FBN2: variants seen among roughly 807,000 people sequenced by gnomAD.
FBN2 encodes the protein fibrillin 2.
Under a neutral mutation model 355.6 loss-of-function variants are expected in FBN2, and 105 were observed. The observed-to-expected ratio is 0.30, with a 90% CI of 0.25 to 0.35. The LOEUF (loss-of-function observed/expected upper bound fraction) is 0.35, where lower values mean the gene tolerates loss of function less well. FBN2 is among the 10% of genes least tolerant of loss of function. FBN2 has a pLI of 1.00. For missense variants in FBN2, 3,280 were observed against 3,758.7 expected (o/e 0.87, Z 3.33); for synonymous variants, 1,350 against 1,301.2 (o/e 1.04, Z -0.81).
At chr5:128,352,846 T>C (rs1033400797) in intron 20 of FBN2, among the ~76,000 whole-genome samples, 2 of 152,218 alleles carry the variant, frequency 1.3e-5, no homozygotes, top group African/African-American at 4.8e-5. Flanking sequence ...ATAGTATTTA[T>C]TTGAAAATTC....
chr5:128,407,003 C>G (rs181431355), intron 8 of FBN2, among the ~76,000 whole-genome samples: 28 of 152,270 alleles, frequency 1.8e-4, no homozygotes, highest in Non-Finnish European at 4.4e-5. Flanking sequence ...ATCTGTAAAA[C>G]ACAAACAATT....
At chr5:128,358,793 T>C (rs1247860466) in intron 19 of FBN2, among the ~76,000 whole-genome samples, 3 of 152,078 alleles carry the variant, frequency 2.0e-5, no homozygotes, top group Non-Finnish European at 4.4e-5. Context: ...CCTATTAATT[T>C]CATTTGTAAG....
At chr5:128,456,023 A>AAAAAAAACAAAAAAAAAAAAAAAAAAGC (rs1554070903) in intron 6 of FBN2, among the ~76,000 whole-genome samples, 1 of 145,782 alleles carries the variant, frequency 6.9e-6, no homozygotes, top group Non-Finnish European at 1.5e-5. Context: ...AAAAAAAAAA[A>AAAAAAAACAAAAAAAAAAAAAAAAAAGC]GCAACTGCTG....
At chr5:128,455,304 G>A (rs765223849) in intron 6 of FBN2, among the ~76,000 whole-genome samples, 4 of 152,168 alleles carry the variant, frequency 2.6e-5, no homozygotes, top group Non-Finnish European at 5.9e-5. Flanking sequence ...AGTCCTATAT[G>A]AGTTAACTTT....
intron 8 of FBN2, among the ~76,000 whole-genome samples, chr5:128,403,105 C>T (rs1752838688): frequency 6.6e-6 from 1 of 151,886 alleles, no homozygotes; most frequent in South Asian, 2.1e-4. Flanking sequence ...CAAATGCACA[C>T]ATGCATGTGG....
At chr5:128,274,529 GAAGTTTGTAA>G (rs1264681872) in intron 60 of FBN2, 28 bp downstream of exon 60, 1 of 1,103,610 alleles carries the variant, frequency 9.1e-7, no homozygotes, top group Admixed American at 1.7e-5. Context: ...GCATCTACTA[GAAGTTTGTAA>G]AATTTCCCAT....
At chr5:128,332,494 A>G (rs1478494627) in intron 32 of FBN2, among the ~76,000 whole-genome samples, 2 of 152,162 alleles carry the variant, frequency 1.3e-5, no homozygotes, top group African/African-American at 2.4e-5. Flanking sequence ...GAAGAATTCT[A>G]TTTTCTAATA....
intron 6 of FBN2, among the ~76,000 whole-genome samples, chr5:128,457,187 G>A (rs1222639940): frequency 4.6e-5 from 7 of 152,030 alleles, no homozygotes; most frequent in African/African-American, 1.7e-4. Context: ...TCGACCAAGT[G>A]GAAGAAAGGA....
intron 5 of FBN2, among the ~76,000 whole-genome samples, chr5:128,475,971 C>T (rs964665915): frequency 6.6e-6 from 1 of 152,162 alleles, no homozygotes; most frequent in Non-Finnish European, 1.5e-5. Flanking sequence ...TATGAAGACT[C>T]GCTAGTAAAT....
intron 40 of FBN2, among the ~76,000 whole-genome samples, chr5:128,309,671 AAAAT>A (rs1318661738): frequency 6.6e-6 from 1 of 152,204 alleles, no homozygotes; most frequent in African/African-American, 2.4e-5. Flanking sequence ...TTTAATTAAA[AAAAT>A]AAAGCATTAA....
Position 128,522,299 on chromosome 5 carries a change from G to A in FBN2, c.533-2931C>T, listed in dbSNP as rs372905358. 7.9e-5 allele frequency among the ~76,000 whole-genome samples: 12 copies of A among 152,130 alleles called. No homozygotes were observed. In the East Asian group the frequency reaches 2.1e-3, roughly 27 times the overall value. ...GACTGCAAGAACTCAACAAACTCCC[G>A]CACATCAAAATTTCACGGCATTTTT... On this transcript the variant is annotated intron_variant, in intron 4 of 64. Coordinates refer to ENST00000262464, the MANE Select transcript of FBN2 (RefSeq NM_001999.4).
intron 45 of FBN2, among the ~76,000 whole-genome samples, 162 bp from the exon 46 acceptor site, chr5:128,303,251 C>A (rs1337560646): frequency 1.3e-5 from 2 of 152,056 alleles, no homozygotes; most frequent in African/African-American, 4.8e-5. Context: ...ACGGAAAAAT[C>A]AAAATTACAA....
Position 128,519,388 on chromosome 5 carries a change from G to C in FBN2, c.533-20C>G. 1 of 1,598,254 alleles carries C rather than the reference G, an allele frequency of 6.3e-7. No homozygotes were observed. The highest frequency in any genetic ancestry group is 8.6e-7 in the Non-Finnish European group (1 of 1,165,914). On this transcript the variant is annotated intron_variant, in intron 4 of 64. Transcript: ENST00000262464. ...AGACAGCTGCATACAAAAATAGCAA[G>C]AAGCTCATTATATAGCCAGTCTCCA...
At chr5:128,514,323 C>T (rs1756220983) in intron 5 of FBN2, among the ~76,000 whole-genome samples, 2 of 152,084 alleles carry the variant, frequency 1.3e-5, no homozygotes, top group Non-Finnish European at 1.5e-5. Context: ...ATTCATTTGA[C>T]TGAAAGAAAG....
rs144627414 is a variant in FBN2 at position 128,321,710 on chromosome 5, G to A, written c.4472-2709C>T. Among the ~76,000 whole-genome samples, 21 of 152,244 alleles carry A rather than the reference G, an allele frequency of 1.4e-4. No homozygotes were observed. In the East Asian group the frequency reaches 3.7e-3, roughly 27 times the overall value. On this transcript the variant is annotated intron_variant, in intron 34 of 64. Transcript: ENST00000262464. ...TCTATCATTGATGGTCATTTGGGTTGGTTCCAGGTCTTTGCTATTATGAAC... is the reference window on the plus strand; with the variant it reads ...TCTATCATTGATGGTCATTTGGGTTAGTTCCAGGTCTTTGCTATTATGAAC...
chr5:128,493,207 C>A (rs894335637), intron 5 of FBN2, among the ~76,000 whole-genome samples: 1 of 152,064 alleles, frequency 6.6e-6, no homozygotes, highest in African/African-American at 2.4e-5. Context: ...CACTCTCAAT[C>A]CTCAGTTACA....
intron 34 of FBN2, among the ~76,000 whole-genome samples, chr5:128,322,053 G>A (rs888563722): frequency 6.6e-6 from 1 of 152,106 alleles, no homozygotes; most frequent in Admixed American, 6.5e-5. Flanking sequence ...GTGAGGATGT[G>A]CTTTTTTTCA....
rs187169875 is a variant in FBN2 at position 128,279,979 on chromosome 5, T to C, written c.7138+213A>G. 3.9e-5 allele frequency among the ~76,000 whole-genome samples: 6 copies of C among 152,356 alleles called. No homozygotes were observed. The East Asian group carries it at 5.8e-4, about 15-fold the overall frequency. ...TTAATTTTGGAAAGACTATTTAAGATTGTTATTTACATTACACATAGATGT... is the reference window on the plus strand; with the variant it reads ...TTAATTTTGGAAAGACTATTTAAGACTGTTATTTACATTACACATAGATGT... On this transcript the variant is annotated intron_variant, in intron 56 of 64. Transcript: ENST00000262464.
At chr5:128,444,045 TC>T in intron 7 of FBN2, among the ~76,000 whole-genome samples, 1 of 144,944 alleles carries the variant, frequency 6.9e-6, no homozygotes. Context: ...TAAGCAAATA[TC>T]ACTTGTTCTT....
Sources: allele counts gnomAD v4.1 joint callset (sites outside exome capture counted in the v4.1 genomes callset), GRCh38; gene constraint gnomAD v4.1.1; transcripts MANE v1.5; gene names NCBI Gene and HGNC (gene_info 2026-07-23, HGNC 2026-07-21).